Variants in STPG1 observed in about 807,000 individuals in gnomAD.
STPG1 encodes the protein O(6)-methylguanine-induced apoptosis 2.
A neutral mutation model predicts 40.1 loss-of-function variants in STPG1; 33 were observed. That is an observed-to-expected ratio of 0.82 (90% CI 0.62 to 1.10). The LOEUF (loss-of-function observed/expected upper bound fraction) is 1.10, where lower values mean the gene tolerates loss of function less well. Ranked by LOEUF, STPG1 falls within the 50% of genes least tolerant of loss-of-function variation. The probability of loss-of-function intolerance (pLI) is 0.00; values close to 1 mark genes in which losing one functional copy is unlikely to be tolerated. For synonymous variants in STPG1, 150 were observed against 155.0 expected (o/e 0.97, Z 0.24); for missense variants, 396 against 415.1 (o/e 0.95, Z 0.40).
At position 24,357,087 on chromosome 1, in the gene STPG1, C is replaced by T. The variant is rs1467849099; in HGVS notation, c.*1456G>A. The T allele has an allele frequency of 2.3e-5, 3 of 132,144 alleles. No homozygotes were observed. The highest frequency in any genetic ancestry group is 8.5e-5 in the African/African-American group (3 of 35,134). The allele number at this position is 132,144 out of a possible 1,614,324, so 8.2% of individuals were successfully genotyped here. On this transcript the variant is annotated 3_prime_UTR_variant, in exon 9 of 9. Coordinates refer to ENST00000337248, the MANE Select transcript of STPG1 (RefSeq NM_001199013.2). ...AAAAAATCCATGGTGAACAAAACAT[C>T]ACAGTTTTAAAGACAGGATTCGTAT...
chr1:24,399,212 G>A lies in STPG1; in HGVS notation c.70+2107C>T, dbSNP rs974617449. 1.3e-5 allele frequency among the ~76,000 whole-genome samples: 2 copies of A among 152,210 alleles called. No individual in the cohort carries two copies. Among genetic ancestry groups the A allele is most frequent in the Non-Finnish European group, 2.9e-5 (2 of 68,036 alleles). ...ACTAAAGAGTTATTATAAAGTTACAGTAATTAGGACAGTATGATATTTGAA... is the reference window on the plus strand; with the variant it reads ...ACTAAAGAGTTATTATAAAGTTACAATAATTAGGACAGTATGATATTTGAA... On this transcript the variant is annotated intron_variant, in intron 2 of 8. Transcript: ENST00000337248. The surrounding 1 kb of genome is among the most constrained non-coding windows in gnomAD (Gnocchi z 4.0).
At chr1:24,364,559 T>A in intron 7 of STPG1, 1 of 1,005,062 alleles carries the variant, frequency 9.9e-7, no homozygotes, top group Non-Finnish European at 1.3e-6. Context: ...TTGAGGCCCC[T>A]AGCCCTATCC....
intron 2 of STPG1, chr1:24,392,030 C>T (rs1642794510): frequency 4.8e-6 from 5 of 1,041,390 alleles, no homozygotes; most frequent in South Asian, 3.1e-5. Flanking sequence ...GGACGAGGCG[C>T]GGTCAGGACA....
In STPG1 at chr1:24,379,742, C is replaced by A. The variant is rs759999066; in HGVS notation, c.373G>T (p.Asp125Tyr). The change falls in exon 5 of 9, where the codon GAC (aspartate) becomes TAC (tyrosine). Residue 125 changes from aspartate to tyrosine, a missense_variant. Physicochemically the swap from Asp to Tyr is radical, Grantham distance 160. Coordinates refer to ENST00000337248, the MANE Select transcript of STPG1 (RefSeq NM_001199013.2). ...ATGCTGGAACACGAATTACTAAAGT[C>A]TCTCTTGGAAATAAAATCCGATGGG... ...TIPSDFISKR[D>Y]FSNSCSSMFQ... is the part of the protein sequence containing the mutation. The A allele has an allele frequency of 6.2e-7, 1 of 1,614,164 alleles. No homozygotes were observed. Among genetic ancestry groups the A allele is most frequent in the East Asian group, 2.2e-5 (1 of 44,882 alleles).
intron 7 of STPG1, chr1:24,368,948 G>A (rs560251153): frequency 6.4e-4 from 110 of 172,108 alleles, no homozygotes; most frequent in African/African-American, 2.5e-3. Context: ...CAAGTGATTC[G>A]CCCACCTCGG....
intron 2 of STPG1, among the ~76,000 whole-genome samples, chr1:24,398,097 G>C (rs879281687): frequency 2.0e-5 from 3 of 152,184 alleles, no homozygotes; most frequent in Non-Finnish European, 2.9e-5. Flanking sequence ...TCAGCAATGG[G>C]AAGTCTTTTT....
At chr1:24,404,651 T>A (rs139334597) in intron 1 of STPG1, among the ~76,000 whole-genome samples, 4 of 152,198 alleles carry the variant, frequency 2.6e-5, no homozygotes, top group Non-Finnish European at 5.9e-5. Context: ...TGGTAATTTG[T>A]GTATTTTAAG....
intron 6 of STPG1, among the ~76,000 whole-genome samples, chr1:24,372,793 C>A (rs1311827986): frequency 6.6e-6 from 1 of 152,220 alleles, no homozygotes; most frequent in Non-Finnish European, 1.5e-5. Flanking sequence ...ACCTTCCCTG[C>A]TCCTCCTCCT....
At position 24,357,263 on chromosome 1, in the gene STPG1, G is replaced by C. The variant is rs1197160713; in HGVS notation, c.*1280C>G. ...TGTCAGAACGAGGTGATGTGTGAAG[G>C]TTAAATGACAGAGGAGTGTGGAACC... On this transcript the variant is annotated 3_prime_UTR_variant, in exon 9 of 9. Coordinates refer to ENST00000337248, the MANE Select transcript of STPG1 (RefSeq NM_001199013.2). The C allele has an allele frequency of 6.6e-6, 1 of 152,252 alleles. No homozygotes were observed. The highest frequency in any genetic ancestry group is 1.5e-5 in the Non-Finnish European group (1 of 68,054). The allele number at this position is 152,252 out of a possible 1,614,324, so 9.4% of individuals were successfully genotyped here.
intron 3 of STPG1, among the ~76,000 whole-genome samples, chr1:24,387,166 G>A (rs1159915694): frequency 1.3e-5 from 2 of 152,148 alleles, no homozygotes; most frequent in African/African-American, 4.8e-5. Context: ...GCAATTTAGC[G>A]GACACTGATT....
intron 7 of STPG1, among the ~76,000 whole-genome samples, chr1:24,363,631 C>T (rs1341191417): frequency 6.6e-6 from 1 of 152,200 alleles, no homozygotes; most frequent in Admixed American, 6.5e-5. Context: ...TTGTGCTTTA[C>T]TTGTAACATT....
At chr1:24,362,205 T>C (rs1470018689) in intron 7 of STPG1, among the ~76,000 whole-genome samples, 2 of 152,204 alleles carry the variant, frequency 1.3e-5, no homozygotes, top group Non-Finnish European at 2.9e-5. Flanking sequence ...CAACAACTTC[T>C]TAAACACAGA....
At chr1:24,381,373 C>T (rs1203672511) in intron 4 of STPG1, among the ~76,000 whole-genome samples, 1 of 152,224 alleles carries the variant, frequency 6.6e-6, no homozygotes, top group Admixed American at 6.5e-5. Flanking sequence ...GTAACACTCA[C>T]TCACCAACAC....
chr1:24,413,028 G>C (rs1173220433), intron 1 of STPG1, among the ~76,000 whole-genome samples: 1 of 152,176 alleles, frequency 6.6e-6, no homozygotes, highest in Non-Finnish European at 1.5e-5. Context: ...AATTTTTTTG[G>C]ATGTCCTGAG....
chr1:24,413,407 C>T (rs2148722844), intron 1 of STPG1, among the ~76,000 whole-genome samples: 1 of 152,358 alleles, frequency 6.6e-6, no homozygotes, highest in Admixed American at 6.5e-5. Context: ...CGGACGCCCA[C>T]GCCCCTGGCA....
At chr1:24,400,024 T>C (rs1161792213) in intron 2 of STPG1, among the ~76,000 whole-genome samples, 1 of 152,212 alleles carries the variant, frequency 6.6e-6, no homozygotes, top group African/African-American at 2.4e-5. Flanking sequence ...ACTCCTCAGG[T>C]ATAGACCCAT....
At position 24,395,493 on chromosome 1, in the gene STPG1, C is replaced by T. The variant is rs1272780115; in HGVS notation, c.71-3814G>A. On this transcript the variant is annotated intron_variant, in intron 2 of 8. Transcript: ENST00000337248. Reference sequence around the variant, plus strand: ...TTGCGCCCAGGCTGGAGTGCAATGGCGCTATCTCGGCTCACTGCAAGCTCT... The same window carrying T: ...TTGCGCCCAGGCTGGAGTGCAATGGTGCTATCTCGGCTCACTGCAAGCTCT... Among the ~76,000 whole-genome samples the T allele has an allele frequency of 4.8e-5, 7 of 145,452 alleles. No homozygotes were observed. The East Asian group carries it at 6.0e-4, about 13-fold the overall frequency.
Position 24,383,914 on chromosome 1 carries a change from C to G in STPG1, c.279G>C (p.Met93Ile), listed in dbSNP as rs370441112. ...SVSLSKKGTC[M>I]FPSMCARLDT... ...AAGTGGTTCTCACCATTGAGGGAAA[C>G]ATGCAAGTTCCTTTCTTGGACAATG... The change falls in exon 4 of 9, where the codon ATG (methionine) becomes ATC (isoleucine). Residue 93 changes from methionine (M) to isoleucine (I), a missense_variant. Transcript: ENST00000337248. 1 of 1,611,156 alleles carries G rather than the reference C, an allele frequency of 6.2e-7. No homozygotes were observed. Among genetic ancestry groups the G allele is most frequent in the Admixed American group, 1.7e-5 (1 of 59,994 alleles).
At chr1:24,407,331 A>G (rs1643450047) in intron 1 of STPG1, among the ~76,000 whole-genome samples, 1 of 151,984 alleles carries the variant, frequency 6.6e-6, no homozygotes, top group Non-Finnish European at 1.5e-5. Flanking sequence ...GTTATATTAG[A>G]TCATTTCATA....
Sources: allele counts gnomAD v4.1 joint callset (sites outside exome capture counted in the v4.1 genomes callset), GRCh38; gene constraint gnomAD v4.1.1; non-coding constraint Gnocchi (gnomAD v3.1); transcripts MANE v1.5; gene names NCBI Gene and HGNC (gene_info 2026-07-23, HGNC 2026-07-21).